Variants in GFRA1 observed in about 807,000 individuals in gnomAD.
GFRA1 encodes the protein GDNF family receptor alpha-1.
In GFRA1, 16 loss-of-function variants were observed where a neutral mutation model predicts 51.6. That is an observed-to-expected ratio of 0.31 (90% confidence interval 0.21 to 0.47). GFRA1 has a LOEUF of 0.47. Among genes scored for constraint, GFRA1 ranks in the 20% least tolerant of loss-of-function variants. The pLI is 1.00. For synonymous variants in GFRA1, 270 were observed against 241.3 expected (o/e 1.12, Z -1.10); for missense variants, 530 against 594.3 (o/e 0.89, Z 1.13).
intron 5 of GFRA1, among the ~76,000 whole-genome samples, chr10:116,171,125 G>T (rs1960980730): frequency 6.6e-6 from 1 of 152,216 alleles, no homozygotes; most frequent in African/African-American, 2.4e-5. Flanking sequence ...AATCCTTTAA[G>T]AGTGTTAGAG....
At chr10:116,121,608 T>G (rs1427087799) in intron 6 of GFRA1, among the ~76,000 whole-genome samples, 1 of 152,228 alleles carries the variant, frequency 6.6e-6, no homozygotes. Flanking sequence ...AATATTAAAT[T>G]CAGGGAGCTT....
At chr10:116,252,782 T>A (rs903354456) in intron 4 of GFRA1, among the ~76,000 whole-genome samples, 1 of 152,106 alleles carries the variant, frequency 6.6e-6, no homozygotes, top group Admixed American at 6.6e-5. Flanking sequence ...TGCTGTCTCA[T>A]AACAAAGATC....
chr10:116,258,474 C>A (rs976795098), intron 4 of GFRA1, among the ~76,000 whole-genome samples: 1 of 146,154 alleles, frequency 6.8e-6, no homozygotes, highest in Admixed American at 6.9e-5. Flanking sequence ...GTAATATATA[C>A]GTAACATATA....
intron 4 of GFRA1, among the ~76,000 whole-genome samples, chr10:116,220,963 T>C (rs1378313868): frequency 1.3e-5 from 2 of 152,006 alleles, no homozygotes; most frequent in East Asian, 3.9e-4. Flanking sequence ...TCTCTCTCTT[T>C]CTCTCTAACT....
Position 116,060,514 on chromosome 10 carries a change from C to T in GFRA1, c.*3884G>A, listed in dbSNP as rs1196088619. ...CCTTGGAACATGGCCCACTGTTGCA[C>T]CTTGATTTTGCCTTATCTCGCCAAC... On this transcript the variant is annotated 3_prime_UTR_variant, in exon 11 of 11. Transcript: ENST00000355422. The T allele has an allele frequency of 6.6e-6, 1 of 152,212 alleles. No homozygotes were observed. The highest frequency in any genetic ancestry group is 1.5e-5 in the Non-Finnish European group (1 of 68,080). 9.4% of individuals were successfully genotyped at this position (152,212 alleles called of 1,614,324 possible).
chr10:116,081,708 A>G (rs901418955), intron 9 of GFRA1, among the ~76,000 whole-genome samples: 1 of 152,208 alleles, frequency 6.6e-6, no homozygotes, highest in African/African-American at 2.4e-5. Context: ...TAAGTTATCA[A>G]AGCAAATTGT....
chr10:116,110,968 G>C (rs1323357335), intron 6 of GFRA1, among the ~76,000 whole-genome samples: 1 of 152,118 alleles, frequency 6.6e-6, no homozygotes, highest in Non-Finnish European at 1.5e-5. Context: ...TTTGGATCTT[G>C]AACACACGTG....
At chr10:116,260,667 A>G (rs555688876) in intron 4 of GFRA1, among the ~76,000 whole-genome samples, 7 of 152,346 alleles carry the variant, frequency 4.6e-5, no homozygotes, top group African/African-American at 1.7e-4. Flanking sequence ...AAGATAAAAA[A>G]TCATAATAAT....
chr10:116,081,007 C>T (rs895594741), intron 9 of GFRA1, among the ~76,000 whole-genome samples: 1 of 152,142 alleles, frequency 6.6e-6, no homozygotes, highest in African/African-American at 2.4e-5. Context: ...CCATTGGAAA[C>T]CCCCCCAGAC....
At chr10:116,223,073 C>A (rs1246694912) in intron 4 of GFRA1, among the ~76,000 whole-genome samples, 2 of 151,958 alleles carry the variant, frequency 1.3e-5, no homozygotes, top group Non-Finnish European at 2.9e-5. Context: ...ATCAATAGCC[C>A]GTGGATACTG....
At chr10:116,096,419 C>T (rs1253244762) in intron 7 of GFRA1, among the ~76,000 whole-genome samples, 1 of 152,152 alleles carries the variant, frequency 6.6e-6, no homozygotes, top group Non-Finnish European at 1.5e-5. Flanking sequence ...AGCCTCCCCA[C>T]TCCTTAGTAA....
At chr10:116,188,898 TAAA>T (rs779339657) in intron 5 of GFRA1, among the ~76,000 whole-genome samples, 2 of 130,470 alleles carry the variant, frequency 1.5e-5, no homozygotes, top group Non-Finnish European at 1.6e-5. Flanking sequence ...AGACTCTGTT[TAAA>T]AAAAAAAAAA....
intron 4 of GFRA1, among the ~76,000 whole-genome samples, chr10:116,226,222 C>A (rs1477413086): frequency 6.6e-6 from 1 of 152,184 alleles, no homozygotes; most frequent in Non-Finnish European, 1.5e-5. Flanking sequence ...CCTCTGCCAA[C>A]TGGATCCTTG....
At position 116,270,847 on chromosome 10, in the gene GFRA1, G is replaced by A. The variant is rs774405252; in HGVS notation, c.309C>T (p.Tyr103=). Residue 103 remains tyrosine, a synonymous_variant, in exon 3 of 11, where the codon TAC becomes TAT. Transcript: ENST00000355422. The part of the protein sequence containing the change: ...MKKEKNCLRI[Y]WSMYQSLQGN... ...CCTGCAGGCTCTGGTACATGCTCCA[G>A]TAAATGCGCAGGCAGTTCTTCTCCT... is the stretch of plus-strand genomic sequence containing the variant. 13 of 1,613,622 alleles carry A rather than the reference G, an allele frequency of 8.1e-6. No homozygotes were observed. In the African/African-American group the frequency reaches 9.3e-5, roughly 12 times the overall value.
chr10:116,076,835 T>C (rs1955639016), intron 9 of GFRA1, among the ~76,000 whole-genome samples: 1 of 152,314 alleles, frequency 6.6e-6, no homozygotes, highest in African/African-American at 2.4e-5. Flanking sequence ...TACTGGCTTT[T>C]GTTGCCTCAA....
At chr10:116,192,430 T>G (rs1413044329) in intron 5 of GFRA1, among the ~76,000 whole-genome samples, 1 of 152,154 alleles carries the variant, frequency 6.6e-6, no homozygotes, top group African/African-American at 2.4e-5. Context: ...AGAAAACCCA[T>G]CTGAATGGTT....
chr10:116,066,958 C>G (rs572379742), intron 9 of GFRA1, among the ~76,000 whole-genome samples: 47 of 152,308 alleles, frequency 3.1e-4, no homozygotes, highest in African/African-American at 1.0e-3. Context: ...CATGTTCACC[C>G]AAGGAGTAAT....
At chr10:116,203,567 G>A (rs1470436475) in intron 5 of GFRA1, among the ~76,000 whole-genome samples, 4 of 152,200 alleles carry the variant, frequency 2.6e-5, no homozygotes, top group Non-Finnish European at 5.9e-5. Context: ...AGGCAGCTGG[G>A]GGAAGGTGGC....
Position 116,192,881 on chromosome 10 carries a change from T to C in GFRA1, c.433+18750A>G, listed in dbSNP as rs1275953374. On this transcript the variant is annotated intron_variant, in intron 5 of 10. Transcript: ENST00000355422. ...AAACAGAGGCAGTCCCGGGGGAGTG[T>C]TGGAAAGTGCATTTTCTATACTTTA... Among the ~76,000 whole-genome samples, 5 of 152,108 alleles carry C rather than the reference T, an allele frequency of 3.3e-5. No individual in the cohort carries two copies. In the South Asian group the frequency reaches 1.0e-3, roughly 32 times the overall value.
Sources: gnomAD v4.1 joint callset for allele counts (sites outside exome capture counted in the v4.1 genomes callset) on GRCh38, gnomAD v4.1.1 for gene constraint, MANE v1.5 for transcripts, NCBI Gene and HGNC (gene_info 2026-07-23, HGNC 2026-07-21) for gene names.